The following PACRG variants were observed in gnomAD, a reference collection of about 807,000 sequenced individuals.
The protein encoded by PACRG is parkin coregulated, also known as parkin coregulated gene protein.
PACRG carries 29 observed loss-of-function variants against 29.7 expected under a neutral mutation model. That is an observed-to-expected ratio of 0.98 (90% CI 0.73 to 1.33). The LOEUF (loss-of-function observed/expected upper bound fraction) is 1.33. Ranked by LOEUF, PACRG falls within the 40% of genes most tolerant of loss-of-function variation. The pLI is 0.00. For synonymous variants in PACRG, 116 were observed against 118.7 expected (o/e 0.98, Z 0.15); for missense variants, 279 against 316.2 (o/e 0.88, Z 0.89).
At position 163,033,122 on chromosome 6, in the gene PACRG, A is replaced by G. The variant is rs117050075; in HGVS notation, c.292-29028A>G. The stretch of plus-strand genomic sequence containing the variant: ...CATGCCTTTTTATAATCTTTTACCA[A>G]AAACACATTTCACTTTTCTTATACA... On this transcript the variant is annotated intron_variant, in intron 2 of 4. Coordinates refer to ENST00000366888, the MANE Select transcript of PACRG (RefSeq NM_001080379.2). 5.9e-4 allele frequency among the ~76,000 whole-genome samples: 90 copies of G among 152,338 alleles called. 3 individuals are homozygous for G. The East Asian group carries it at 0.017, about 29-fold the overall frequency.
intron 2 of PACRG, among the ~76,000 whole-genome samples, chr6:162,851,900 A>T (rs1159868676): frequency 1.3e-5 from 2 of 150,680 alleles, no homozygotes; most frequent in Admixed American, 1.3e-4. Flanking sequence ...TGAAAAGTAT[A>T]GAAGGAAAAA....
At chr6:162,933,269 T>A (rs1176586777) in intron 2 of PACRG, among the ~76,000 whole-genome samples, 1 of 152,160 alleles carries the variant, frequency 6.6e-6, no homozygotes, top group South Asian at 2.1e-4. Context: ...TGGCCTAATA[T>A]ATGGTTTATC....
rs144946879 is a variant in PACRG, at chr6:163,314,910, G to A, written c.697G>A (p.Glu233Lys). ...DLIQETLEAF[E>K]RYGGENAFIN... ...GATCCAGGAGACACTGGAGGCCTTC[G>A]AGCGCTACGGAGGAGAAAATGCCTT... The change falls in exon 5 of 5, where the codon GAG becomes AAG. Residue 233 changes from glutamate to lysine, a missense_variant. Physicochemically the swap from Glu to Lys is moderately conservative, Grantham distance 56. Coordinates refer to ENST00000366888, the MANE Select transcript of PACRG (RefSeq NM_001080379.2). 22 of 1,614,170 alleles carry A rather than the reference G, an allele frequency of 1.4e-5. No homozygotes were observed. Among genetic ancestry groups the A allele is most frequent in the Non-Finnish European group, 1.5e-5 (18 of 1,180,026 alleles).
intron 2 of PACRG, among the ~76,000 whole-genome samples, chr6:163,021,623 C>G (rs1356032195): frequency 6.6e-6 from 1 of 152,168 alleles, no homozygotes; most frequent in Non-Finnish European, 1.5e-5. Flanking sequence ...CTTTCCATTT[C>G]CTTTCTGATG....
intron 4 of PACRG, among the ~76,000 whole-genome samples, chr6:163,192,515 A>G (rs1780259177): frequency 6.6e-6 from 1 of 152,180 alleles, no homozygotes; most frequent in African/African-American, 2.4e-5. Flanking sequence ...TCAAACATTT[A>G]ATGATTTTTT....
chr6:163,262,905 C>T (rs1381193718), intron 4 of PACRG, among the ~76,000 whole-genome samples: 1 of 145,234 alleles, frequency 6.9e-6, no homozygotes, highest in African/African-American at 2.5e-5. Flanking sequence ...AAAAAATTAG[C>T]CCAGTGTGGT....
At chr6:163,155,884 A>C (rs1321340213) in intron 4 of PACRG, among the ~76,000 whole-genome samples, 1 of 152,078 alleles carries the variant, frequency 6.6e-6, no homozygotes, top group Non-Finnish European at 1.5e-5. Flanking sequence ...CTCTGCACAC[A>C]CCGCGCTGTT....
intron 2 of PACRG, among the ~76,000 whole-genome samples, chr6:162,901,536 C>G (rs1458304883): frequency 6.6e-6 from 1 of 152,132 alleles, no homozygotes; most frequent in East Asian, 1.9e-4. Flanking sequence ...TTAGCTGTAT[C>G]CTAATACTTG....
At chr6:163,109,543 A>G (rs1815592191) in intron 4 of PACRG, among the ~76,000 whole-genome samples, 1 of 152,192 alleles carries the variant, frequency 6.6e-6, no homozygotes, top group Non-Finnish European at 1.5e-5. Flanking sequence ...AAATATTTCT[A>G]TCTTTATAAT....
intron 4 of PACRG, among the ~76,000 whole-genome samples, chr6:163,221,379 G>T (rs1781575651): frequency 6.6e-6 from 1 of 152,226 alleles, no homozygotes; most frequent in Non-Finnish European, 1.5e-5. Flanking sequence ...AGAAGAAGGA[G>T]CCAAGCTCCC....
At chr6:163,300,196 C>T (rs1784935599) in intron 4 of PACRG, among the ~76,000 whole-genome samples, 1 of 152,194 alleles carries the variant, frequency 6.6e-6, no homozygotes, top group East Asian at 1.9e-4. Flanking sequence ...TTAGTGGAAG[C>T]TTGGTGAGTG....
intron 4 of PACRG, among the ~76,000 whole-genome samples, chr6:163,253,168 C>T (rs1288160599): frequency 2.0e-5 from 3 of 151,876 alleles, no homozygotes; most frequent in East Asian, 1.9e-4. Flanking sequence ...GGCATGGTGG[C>T]GTGTTCCTAT....
intron 2 of PACRG, among the ~76,000 whole-genome samples, chr6:163,059,841 T>C (rs1188992027): frequency 6.6e-6 from 1 of 152,224 alleles, no homozygotes; most frequent in East Asian, 1.9e-4. Context: ...TTATTGTTGC[T>C]GTTGTTGATA....
chr6:163,090,328 A>G (rs371352676), intron 4 of PACRG: 1 of 152,230 alleles, frequency 6.6e-6, no homozygotes, highest in East Asian at 1.9e-4. Flanking sequence ...ATTCTCAAAA[A>G]GCTTTTAGCT....
chr6:163,285,206 C>T (rs929089758), intron 4 of PACRG, among the ~76,000 whole-genome samples: 7 of 152,024 alleles, frequency 4.6e-5, no homozygotes, highest in Admixed American at 3.9e-4. Flanking sequence ...GCAACTCCAC[C>T]GGACTCATCT....
intron 4 of PACRG, among the ~76,000 whole-genome samples, chr6:163,122,566 C>T (rs889003774): frequency 6.6e-5 from 10 of 152,184 alleles, no homozygotes; most frequent in African/African-American, 2.4e-4. Flanking sequence ...CTCGCTTCCT[C>T]TCTTGCCACA....
chr6:163,254,159 A>T (rs1468700684), intron 4 of PACRG, among the ~76,000 whole-genome samples: 1 of 152,200 alleles, frequency 6.6e-6, no homozygotes, highest in Non-Finnish European at 1.5e-5. Context: ...ACAGCACTTT[A>T]AAAAAAATCT....
intron 4 of PACRG, among the ~76,000 whole-genome samples, chr6:163,188,012 A>G (rs1276683983): frequency 6.6e-6 from 1 of 152,184 alleles, no homozygotes; most frequent in African/African-American, 2.4e-5. Context: ...TCCCAAAATG[A>G]GCATATCTCT....
At chr6:162,890,091 T>G (rs1794645000) in intron 2 of PACRG, among the ~76,000 whole-genome samples, 1 of 152,248 alleles carries the variant, frequency 6.6e-6, no homozygotes, top group Non-Finnish European at 1.5e-5. Flanking sequence ...AACTGGGAGA[T>G]TAAAATGTAT....
Sources: gnomAD v4.1 joint callset for allele counts (sites outside exome capture counted in the v4.1 genomes callset) on GRCh38, gnomAD v4.1.1 for gene constraint, MANE v1.5 for transcripts, NCBI Gene and HGNC (gene_info 2026-07-23, HGNC 2026-07-21) for gene names.